The following ASIC1 variants were observed in gnomAD, a reference collection of about 807,000 sequenced individuals.
The protein encoded by ASIC1 is acid-sensing ion channel 1.
In ASIC1, 21 loss-of-function variants were observed where a neutral mutation model predicts 63.4. That is an observed-to-expected ratio of 0.33 (90% CI 0.23 to 0.48). ASIC1 has a LOEUF of 0.48. Among genes scored for constraint, ASIC1 ranks in the 20% least tolerant of loss-of-function variants. The pLI is 0.99. For missense variants in ASIC1, 478 were observed against 695.5 expected (o/e 0.69, Z 3.52); for synonymous variants, 258 against 278.2 (o/e 0.93, Z 0.72).
intron 3 of ASIC1, among the ~76,000 whole-genome samples, chr12:50,064,362 T>C (rs1195219850): frequency 1.3e-5 from 2 of 152,102 alleles, no homozygotes; most frequent in African/African-American, 4.8e-5. Flanking sequence ...ATGTCTCCTT[T>C]TGCCTCTCTC....
At chr12:50,073,796 G>A (rs1250917760) in intron 3 of ASIC1, 1 of 1,535,520 alleles carries the variant, frequency 6.5e-7, no homozygotes, top group Admixed American at 2.0e-5. Context: ...GCCAACAGCT[G>A]CACCCTCCAT....
chr12:50,066,541 C>T (rs907504531), intron 3 of ASIC1, among the ~76,000 whole-genome samples: 2 of 152,066 alleles, frequency 1.3e-5, no homozygotes, highest in African/African-American at 4.8e-5. Context: ...TTAGGTGAAC[C>T]CACCACTGGC....
chr12:50,073,852 G>T (rs1440592006), intron 3 of ASIC1: 4 of 1,531,276 alleles, frequency 2.6e-6, no homozygotes, highest in African/African-American at 1.4e-5. Flanking sequence ...GCCAAGGCAG[G>T]TGCTGTGGGC....
Position 50,081,869 on chromosome 12 carries a change from A to C in ASIC1, c.*220A>C. 1 of 560,068 alleles carries C rather than the reference A, an allele frequency of 1.8e-6. No individual in the cohort carries two copies. Among genetic ancestry groups the C allele is most frequent in the Non-Finnish European group, 3.2e-6 (1 of 315,698 alleles). 34.7% of individuals were successfully genotyped at this position (560,068 alleles called of 1,614,324 possible). On this transcript the variant is annotated 3_prime_UTR_variant, in exon 12 of 12. Transcript: ENST00000447966. Reference sequence around the variant, plus strand: ...AAAACTAATCTAAAAAAGAACTAAAAAGGGAGAACGGGGCAAGGGACCTCA... The same window carrying C: ...AAAACTAATCTAAAAAAGAACTAAACAGGGAGAACGGGGCAAGGGACCTCA...
chr12:50,083,371 C>T lies in ASIC1; in HGVS notation c.*1722C>T, dbSNP rs1950741098. ...CCCAACCCCTCTTCAGGCCTTCCTTCCCTAGCTGTGTCTTGGTCTTCAATC... is the reference window on the plus strand; with the variant it reads ...CCCAACCCCTCTTCAGGCCTTCCTTTCCTAGCTGTGTCTTGGTCTTCAATC... On this transcript the variant is annotated 3_prime_UTR_variant, in exon 12 of 12. Transcript: ENST00000447966. 6.6e-6 allele frequency: 1 copy of T among 152,400 alleles called. No homozygotes were observed. Among genetic ancestry groups the T allele is most frequent in the Admixed American group, 6.5e-5 (1 of 15,288 alleles). 9.4% of individuals were successfully genotyped at this position (152,400 alleles called of 1,614,324 possible). A position where few individuals can be genotyped will look rare whatever the true frequency, so the allele number is the denominator to read the frequency against.
chr12:50,071,506 TCTC>T (rs1336088881), intron 3 of ASIC1, among the ~76,000 whole-genome samples: 1 of 151,800 alleles, frequency 6.6e-6, no homozygotes, highest in Non-Finnish European at 1.5e-5. Context: ...ATGGTCTCGA[TCTC>T]CTGACCTCTT....
chr12:50,080,422 C>G, intron 8 of ASIC1, 76 bp from the exon 9 acceptor site: 4 of 1,428,126 alleles, frequency 2.8e-6, no homozygotes, highest in Non-Finnish European at 3.9e-6. Flanking sequence ...GAGAGGCTGC[C>G]TTGCCAAGGT....
intron 4 of ASIC1, 145 bp downstream of exon 4, chr12:50,077,508 T>G: frequency 1.7e-6 from 2 of 1,206,870 alleles, no homozygotes; most frequent in Non-Finnish European, 2.3e-6. Flanking sequence ...TCACTGACTC[T>G]ACCTGACTTC....
At chr12:50,079,791 G>T in intron 7 of ASIC1, 111 bp from the exon 8 acceptor site, 1 of 1,340,410 alleles carries the variant, frequency 7.5e-7, no homozygotes, top group South Asian at 1.5e-5. Context: ...GGCAGGTCAC[G>T]GAAAGAGAAA....
At position 50,078,734 on chromosome 12, in the gene ASIC1, C is replaced by T; in HGVS notation, c.994+157C>T. On this transcript the variant is annotated intron_variant, in intron 6 of 11. Transcript: ENST00000447966. The surrounding 1 kb of genome is among the most constrained non-coding windows in gnomAD (Gnocchi z 6.0). The stretch of plus-strand genomic sequence containing the variant: ...TCTCTGACCTCAGTTCCCGCCTGCA[C>T]CCCCAGGGATGGGTGGGAAGGGTCT... The T allele has an allele frequency of 7.3e-7, 1 of 1,360,718 alleles. No individual in the cohort carries two copies. The highest frequency in any genetic ancestry group is 1.2e-5 in the South Asian group (1 of 83,308). 84.3% of individuals were successfully genotyped at this position (1,360,718 alleles called of 1,614,324 possible). A position where few individuals can be genotyped will look rare whatever the true frequency, so the allele number is the denominator to read the frequency against.
chr12:50,080,275 G>T, intron 8 of ASIC1: 1 of 772,474 alleles, frequency 1.3e-6, no homozygotes, highest in Non-Finnish European at 2.1e-6. Context: ...CCTCATTGTT[G>T]TAACCGGAGT....
At chr12:50,065,359 A>G (rs561069997) in intron 3 of ASIC1, among the ~76,000 whole-genome samples, 1 of 152,298 alleles carries the variant, frequency 6.6e-6, no homozygotes, top group African/African-American at 2.4e-5. Context: ...ACTGGGCATT[A>G]GGGCTCCTGG....
Position 50,078,288 on chromosome 12 carries a change from C to T in ASIC1, c.838-133C>T, listed in dbSNP as rs1289085745. 2.6e-6 allele frequency: 4 copies of T among 1,509,750 alleles called. No homozygotes were observed. In the Admixed American group the frequency reaches 7.9e-5, roughly 30 times the overall value. The allele number at this position is 1,509,750 out of a possible 1,614,324, so 93.5% of individuals were successfully genotyped here. A position where few individuals can be genotyped will look rare whatever the true frequency, so the allele number is the denominator to read the frequency against. On this transcript the variant is annotated intron_variant, in intron 5 of 11. Transcript: ENST00000447966. This position sits in a 1 kb window ranked among gnomAD's most constrained non-coding sequence, Gnocchi z 6.0. ...CGAATGAACAAGAATGCTCTGTAAA[C>T]TCTGAGACCTTTGGAGGCTGCAGAG...
intron 4 of ASIC1, among the ~76,000 whole-genome samples, chr12:50,077,644 G>A (rs576124706): frequency 7.6e-4 from 116 of 152,170 alleles, no homozygotes; most frequent in African/African-American, 2.7e-3. Context: ...CTGCCTGCCT[G>A]TCTGGTCTCG....
At position 50,074,627 on chromosome 12, in the gene ASIC1, C is replaced by T. The variant is rs539196594; in HGVS notation, c.559-2586C>T. ...TTGATCTGTTGGTGGACGCCAGTGC[C>T]TGGCCAGTTGTTCACTATTTTGACT... On this transcript the variant is annotated intron_variant, in intron 3 of 11. Coordinates refer to ENST00000447966, the MANE Select transcript of ASIC1 (RefSeq NM_001095.4). This position sits in a 1 kb window ranked among gnomAD's most constrained non-coding sequence, Gnocchi z 4.2. 2.6e-5 allele frequency among the ~76,000 whole-genome samples: 4 copies of T among 152,264 alleles called. No individual in the cohort carries two copies. The highest frequency in any genetic ancestry group is 2.6e-4 in the Admixed American group (4 of 15,302).
intron 3 of ASIC1, chr12:50,076,911 C>T: frequency 1.9e-6 from 1 of 539,570 alleles, no homozygotes; most frequent in South Asian, 1.5e-5. Context: ...ATACCCCAAT[C>T]TTTCCTCCTG....
At chr12:50,077,083 G>T in intron 3 of ASIC1, 130 bp from the exon 4 acceptor site, 1 of 1,437,694 alleles carries the variant, frequency 7.0e-7, no homozygotes. Context: ...AGCAAATGGA[G>T]AATGGGCTGC....
chr12:50,074,735 G>A lies in ASIC1; in HGVS notation c.559-2478G>A, dbSNP rs1458816999. Among the ~76,000 whole-genome samples, 1 of 152,042 alleles carries A rather than the reference G, an allele frequency of 6.6e-6. No homozygotes were observed. The highest frequency in any genetic ancestry group is 2.4e-5 in the African/African-American group (1 of 41,366). On this transcript the variant is annotated intron_variant, in intron 3 of 11. Transcript: ENST00000447966. The surrounding 1 kb of genome is among the most constrained non-coding windows in gnomAD (Gnocchi z 4.2). ...AGGGAGTGAAAGGGTGACAGTAGAG[G>A]GGTGGGGATATCCCCCAACCCCACC...
At chr12:50,067,568 G>A (rs374233382) in intron 3 of ASIC1, among the ~76,000 whole-genome samples, 10 of 152,074 alleles carry the variant, frequency 6.6e-5, no homozygotes, top group East Asian at 3.9e-4. Context: ...GCCACCATGC[G>A]CGGCTATTTT....
Sources: gnomAD v4.1 joint callset for allele counts (sites outside exome capture counted in the v4.1 genomes callset) on GRCh38, gnomAD v4.1.1 for gene constraint, Gnocchi (gnomAD v3.1) non-coding constraint, MANE v1.5 for transcripts, NCBI Gene and HGNC (gene_info 2026-07-23, HGNC 2026-07-21) for gene names.